APC2: variants seen among roughly 807,000 people sequenced by gnomAD.
APC2 encodes the protein APC regulator of Wnt signaling pathway 2, also known as adenomatous polyposis coli protein 2.
A neutral mutation model predicts 72.5 loss-of-function variants in APC2; 41 were observed. The observed-to-expected ratio is 0.57, with a 90% confidence interval of 0.44 to 0.73. The LOEUF (loss-of-function observed/expected upper bound fraction) is 0.73, where lower values mean the gene tolerates loss of function less well. APC2 is among the 30% of genes least tolerant of loss of function. APC2 has a pLI of 0.00. For synonymous variants in APC2, 1,898 were observed against 1,612.0 expected (o/e 1.18, Z -4.25); for missense variants, 3,729 against 3,403.4 (o/e 1.10, Z -2.38).
chr19:1,470,323 C>T lies in APC2; in HGVS notation c.*110C>T. ...CCCATAGGTCGCCCCAGGGCCTCTGCCCACCCGAGCCCCACCACTCTCAGA... is the reference window on the plus strand; with the variant it reads ...CCCATAGGTCGCCCCAGGGCCTCTGTCCACCCGAGCCCCACCACTCTCAGA... On this transcript the variant is annotated 3_prime_UTR_variant, in exon 15 of 15. Coordinates refer to ENST00000590469, the MANE Select transcript of APC2 (RefSeq NM_005883.3). 7.4e-7 allele frequency: 1 copy of T among 1,344,542 alleles called. No homozygotes were observed. Among genetic ancestry groups the T allele is most frequent in the African/African-American group, 1.5e-5 (1 of 65,012 alleles). 83.3% of individuals were successfully genotyped at this position (1,344,542 alleles called of 1,614,324 possible).
rs759977743 is a variant in APC2, at chr19:1,467,622, C to T, written c.4321C>T (p.His1441Tyr). 8.7e-6 allele frequency: 13 copies of T among 1,492,098 alleles called. No individual in the cohort carries two copies. The highest frequency in any genetic ancestry group is 1.9e-4 in the Middle Eastern group (1 of 5,270). The allele number at this position is 1,492,098 out of a possible 1,614,324, so 92.4% of individuals were successfully genotyped here. Residue 1441 changes from histidine to tyrosine, a missense_variant, in exon 15 of 15, where the codon CAC (histidine) becomes TAC (tyrosine). Transcript: ENST00000590469. ...CACCTCTGCCAGACAGGCCATGGGG[C>T]ACCGGCACAAGGCGGGAGGCGCCGG... is the stretch of plus-strand genomic sequence containing the variant. ...RPTSARQAMG[H>Y]RHKAGGAGRS...
Position 1,470,887 on chromosome 19 carries a change from G to C in APC2, c.*674G>C, listed in dbSNP as rs1374253092. 2.6e-5 allele frequency: 4 copies of C among 152,402 alleles called. No individual in the cohort carries two copies. The highest frequency in any genetic ancestry group is 9.6e-5 in the African/African-American group (4 of 41,578). The allele number at this position is 152,402 out of a possible 1,614,324, so 9.4% of individuals were successfully genotyped here. A position where few individuals can be genotyped will look rare whatever the true frequency, so the allele number is the denominator to read the frequency against. ...TCCGGCGGAGCCCAAAAGGGTGGGG[G>C]TGGGAGGGGCAGAGGCCAACGGATC... On this transcript the variant is annotated 3_prime_UTR_variant, in exon 15 of 15. Coordinates refer to ENST00000590469, the MANE Select transcript of APC2 (RefSeq NM_005883.3).
chr19:1,446,730 TG>T (rs1382129934), upstream of APC2, among the ~76,000 whole-genome samples: 7 of 151,446 alleles, frequency 4.6e-5, no homozygotes, highest in Middle Eastern at 0.014. This position sits in a 1 kb window ranked among gnomAD's most constrained non-coding sequence, Gnocchi z 6.1. Context: ...CTGCGCAGGG[TG>T]GGGGCCTGGG....
At position 1,456,161 on chromosome 19, in the gene APC2, G is replaced by C. The variant is rs746128049; in HGVS notation, c.717+8G>C. On this transcript the variant is annotated splice_region_variant and intron_variant, in intron 7 of 14. Transcript: ENST00000590469. ...CAGCAGACGGAGCCCCAGGTACCGGGTGGGGCAGAGCCAGGGACCAGGGGT... is the reference window on the plus strand; with the variant it reads ...CAGCAGACGGAGCCCCAGGTACCGGCTGGGGCAGAGCCAGGGACCAGGGGT... 2 of 1,580,960 alleles carry C rather than the reference G, an allele frequency of 1.3e-6. No homozygotes were observed. Among genetic ancestry groups the C allele is most frequent in the Admixed American group, 1.8e-5 (1 of 55,466 alleles).
At chr19:1,459,519 G>C (rs751044588) in intron 10 of APC2, among the ~76,000 whole-genome samples, 1 of 152,186 alleles carries the variant, frequency 6.6e-6, no homozygotes, top group Non-Finnish European at 1.5e-5. Flanking sequence ...GGATGTACGC[G>C]TTTCAGGCTG....
At chr19:1,447,749 A>G (rs1272218799), upstream of APC2, among the ~76,000 whole-genome samples, 1 of 152,140 alleles carries the variant, frequency 6.6e-6, no homozygotes, top group Non-Finnish European at 1.5e-5. Context: ...ATGTACCCTC[A>G]GCCCTCCAGG....
Position 1,468,281 on chromosome 19 carries a change from G to T in APC2, c.4980G>T (p.Arg1660=). Residue 1660 remains arginine, a synonymous_variant, in exon 15 of 15, where the codon CGG becomes CGT. Transcript: ENST00000590469. ...RKPRATRLDE[R]PAEGSRERGE... ...CCCGAGCCACCCGGCTGGATGAGCG[G>T]CCCGCAGAGGGGTCCCGGGAACGCG... is the stretch of plus-strand genomic sequence containing the variant. The T allele has an allele frequency of 1.3e-6, 2 of 1,534,494 alleles. No individual in the cohort carries two copies.
Position 1,468,863 on chromosome 19 carries a change from G to A in APC2, c.5562G>A (p.Thr1854=), listed in dbSNP as rs758551560. The change falls in exon 15 of 15, where the codon ACG becomes ACA. Residue 1854 remains threonine (T), a synonymous_variant. Transcript: ENST00000590469. ...CTGCCAAGACCTCGGAGCTGGCGACGCTGAGCCAGCCCCCCAGAAGCGCCA... is the reference window on the plus strand; with the variant it reads ...CTGCCAAGACCTCGGAGCTGGCGACACTGAGCCAGCCCCCCAGAAGCGCCA... ...HRPAKTSELA[T]LSQPPRSATP... The A allele has an allele frequency of 7.1e-6, 11 of 1,544,150 alleles. No homozygotes were observed. The highest frequency in any genetic ancestry group is 1.2e-5 in the South Asian group (1 of 84,492).
At position 1,470,260 on chromosome 19, in the gene APC2, C is replaced by T. The variant is rs1435662699; in HGVS notation, c.*47C>T. On this transcript the variant is annotated 3_prime_UTR_variant, in exon 15 of 15. Transcript: ENST00000590469. ...AACGTTCTCTCCCGGCCCTGCGGCG[C>T]GGTCTGGCTGCCCCATGGGCCTGCG... 5.3e-6 allele frequency: 8 copies of T among 1,515,264 alleles called. No individual in the cohort carries two copies. Among genetic ancestry groups the T allele is most frequent in the Non-Finnish European group, 7.1e-6 (8 of 1,133,810 alleles). 93.9% of individuals were successfully genotyped at this position (1,515,264 alleles called of 1,614,324 possible). A position where few individuals can be genotyped will look rare whatever the true frequency, so the allele number is the denominator to read the frequency against.
chr19:1,457,555 G>A (rs981752191), intron 9 of APC2: 32 of 511,566 alleles, frequency 6.3e-5, no homozygotes, highest in Non-Finnish European at 9.0e-5. Context: ...TATGGGGGCC[G>A]GGCGCTGTGA....
rs866368843 is a variant in APC2, at chr19:1,468,373, A to G, written c.5072A>G (p.Glu1691Gly). The G allele has an allele frequency of 6.3e-7, 1 of 1,577,346 alleles. No individual in the cohort carries two copies. Among genetic ancestry groups the G allele is most frequent in the Admixed American group, 1.8e-5 (1 of 56,674 alleles). ...LDSVEWRAIQ[E>G]GANSIVTWLH... ...AGCGTGGAGTGGCGCGCCATCCAGG[A>G]GGGCGCCAATTCAATTGTCACGTGG... The change falls in exon 15 of 15, where the codon GAG becomes GGG. Residue 1691 changes from glutamate (E) to glycine (G), a missense_variant. Transcript: ENST00000590469.
chr19:1,465,957 G>C lies in APC2; in HGVS notation c.2656G>C (p.Glu886Gln). Reference protein sequence around the residue: ...SGDPGQEAPREGRAQSCSPCR... With the variant: ...SGDPGQEAPRQGRAQSCSPCR... The stretch of plus-strand genomic sequence containing the variant: ...AGACCCGGGACAGGAGGCGCCACGG[G>C]AGGGCCGCGCCCAGTCCTGCTCGCC... The change falls in exon 15 of 15, where the codon GAG (glutamate) becomes CAG (glutamine). Residue 886 changes from glutamate to glutamine, a missense_variant. Transcript: ENST00000590469. 1 of 1,575,048 alleles carries C rather than the reference G, an allele frequency of 6.3e-7. No individual in the cohort carries two copies. The highest frequency in any genetic ancestry group is 8.6e-7 in the Non-Finnish European group (1 of 1,167,046).
At position 1,469,469 on chromosome 19, in the gene APC2, G is replaced by T; in HGVS notation, c.6168G>T (p.Pro2056=). ...LRAAPRQGPA[P]ARQRPPAARP... ...CGGCACCCCGGCAGGGCCCGGCCCCGGCCCGGCAGCGGCCCCCCGCGGCCC... is the reference window on the plus strand; with the variant it reads ...CGGCACCCCGGCAGGGCCCGGCCCCTGCCCGGCAGCGGCCCCCCGCGGCCC... Residue 2056 remains proline (P), a synonymous_variant, in exon 15 of 15, where the codon CCG becomes CCT. Transcript: ENST00000590469. 1 of 1,123,048 alleles carries T rather than the reference G, an allele frequency of 8.9e-7. No homozygotes were observed. Among genetic ancestry groups the T allele is most frequent in the East Asian group, 5.6e-5 (1 of 17,708 alleles). The allele number at this position is 1,123,048 out of a possible 1,614,324, so 69.6% of individuals were successfully genotyped here. A position where few individuals can be genotyped will look rare whatever the true frequency, so the allele number is the denominator to read the frequency against.
At chr19:1,464,685 T>A (rs2083977895) in intron 14 of APC2, among the ~76,000 whole-genome samples, 1 of 139,558 alleles carries the variant, frequency 7.2e-6, no homozygotes, top group Non-Finnish European at 1.5e-5. Flanking sequence ...CAGGCTGGAG[T>A]GCAGTGGCGC....
chr19:1,449,646 C>T (rs980100588), upstream of APC2, among the ~76,000 whole-genome samples: 7 of 151,960 alleles, frequency 4.6e-5, no homozygotes, highest in South Asian at 6.2e-4. Flanking sequence ...CCTCCCCTCT[C>T]CCCTCCCCAC....
At chr19:1,461,240 G>T in intron 13 of APC2, 87 bp downstream of exon 13, 1 of 1,207,978 alleles carries the variant, frequency 8.3e-7, no homozygotes. Flanking sequence ...CGACTTGGGA[G>T]GAAATCAAGT....
Position 1,469,431 on chromosome 19 carries a change from G to A in APC2, c.6130G>A (p.Glu2044Lys). ...CGTCTTCCTCTGCTCCTCGCGCTGC[G>A]AAGAGCTCCGAGCGGCACCCCGGCA... Reference protein sequence around the residue: ...PAVFLCSSRCEELRAAPRQGP... With the variant: ...PAVFLCSSRCKELRAAPRQGP... The change falls in exon 15 of 15, where the codon GAA becomes AAA. Residue 2044 changes from glutamate (E) to lysine (K), a missense_variant. Coordinates refer to ENST00000590469, the MANE Select transcript of APC2 (RefSeq NM_005883.3). The A allele has an allele frequency of 8.5e-7, 1 of 1,175,144 alleles. No homozygotes were observed. The highest frequency in any genetic ancestry group is 3.3e-5 in the South Asian group (1 of 30,316). The allele number at this position is 1,175,144 out of a possible 1,614,324, so 72.8% of individuals were successfully genotyped here.
chr19:1,455,270 G>T lies in APC2; in HGVS notation c.522+13G>T. The T allele has an allele frequency of 6.4e-7, 1 of 1,563,532 alleles. No individual in the cohort carries two copies. Among genetic ancestry groups the T allele is most frequent in the Non-Finnish European group, 8.6e-7 (1 of 1,159,308 alleles). On this transcript the variant is annotated intron_variant, in intron 5 of 14. Coordinates refer to ENST00000590469, the MANE Select transcript of APC2 (RefSeq NM_005883.3). ...GCACGTGGAGACGGTGAGCCGGCCG[G>T]GGAGCCAGGGGGCAGCGCGCCCGCC...
At chr19:1,463,470 C>T (rs530929925) in intron 14 of APC2, among the ~76,000 whole-genome samples, 1 of 149,848 alleles carries the variant, frequency 6.7e-6, no homozygotes, top group South Asian at 2.1e-4. Flanking sequence ...GTAATTCCAG[C>T]TACTCGGGAG....
Sources: allele counts gnomAD v4.1 joint callset (sites outside exome capture counted in the v4.1 genomes callset), GRCh38; gene constraint gnomAD v4.1.1; non-coding constraint Gnocchi (gnomAD v3.1); transcripts MANE v1.5; gene names NCBI Gene and HGNC (gene_info 2026-07-23, HGNC 2026-07-21).